Variants in PTPRM observed in about 807,000 individuals in gnomAD.
PTPRM encodes the protein receptor-type tyrosine-protein phosphatase mu.
A neutral mutation model predicts 186.7 loss-of-function variants in PTPRM; 47 were observed. The observed-to-expected ratio is 0.25, with a 90% confidence interval of 0.20 to 0.32. PTPRM has a LOEUF of 0.32. PTPRM is among the 10% of genes least tolerant of loss of function. PTPRM has a pLI of 1.00. For synonymous variants in PTPRM, 668 were observed against 674.9 expected (o/e 0.99, Z 0.16); for missense variants, 1,494 against 1,865.0 (o/e 0.80, Z 3.66).
At chr18:8,337,390 T>G (rs564536153) in intron 22 of PTPRM, among the ~76,000 whole-genome samples, 1 of 152,244 alleles carries the variant, frequency 6.6e-6, no homozygotes, top group East Asian at 1.9e-4. Context: ...TATCTCTACC[T>G]CAGAAAATTT....
chr18:7,951,594 A>C (rs188867428), intron 6 of PTPRM, among the ~76,000 whole-genome samples: 67 of 152,300 alleles, frequency 4.4e-4, no homozygotes, highest in Non-Finnish European at 9.1e-4. Flanking sequence ...ATCTTGGCTC[A>C]CTGTGATAAA....
chr18:7,577,799 T>G (rs1264161402), intron 1 of PTPRM, among the ~76,000 whole-genome samples: 1 of 152,184 alleles, frequency 6.6e-6, no homozygotes, highest in Non-Finnish European at 1.5e-5. Flanking sequence ...AGGTTCTCCC[T>G]CGTCTCTCTG....
chr18:8,028,531 C>T (rs1188075143), intron 7 of PTPRM, among the ~76,000 whole-genome samples: 1 of 152,138 alleles, frequency 6.6e-6, no homozygotes, highest in Non-Finnish European at 1.5e-5. Flanking sequence ...TGGGCATTTT[C>T]AATATGAACT....
intron 1 of PTPRM, among the ~76,000 whole-genome samples, chr18:7,696,740 T>A (rs1168041570): frequency 6.6e-6 from 1 of 152,226 alleles, no homozygotes; most frequent in Non-Finnish European, 1.5e-5. Flanking sequence ...TTCTTGCATG[T>A]TCCTCTGCCA....
chr18:8,191,568 A>G (rs994890625), intron 14 of PTPRM, among the ~76,000 whole-genome samples: 12 of 152,176 alleles, frequency 7.9e-5, no homozygotes, highest in African/African-American at 2.9e-4. Flanking sequence ...AAAAGGGGGT[A>G]TGAGTAAGTG....
chr18:8,041,251 C>T (rs911212643), intron 7 of PTPRM, among the ~76,000 whole-genome samples: 3 of 152,154 alleles, frequency 2.0e-5, no homozygotes, highest in African/African-American at 7.2e-5. Flanking sequence ...AAATTCATGG[C>T]AACCTTAAAA....
chr18:7,665,047 G>T (rs1444149626), intron 1 of PTPRM, among the ~76,000 whole-genome samples: 1 of 152,172 alleles, frequency 6.6e-6, no homozygotes, highest in Admixed American at 6.5e-5. Context: ...AGAAGTCTGG[G>T]TTGGAGGTGA....
In PTPRM at chr18:7,695,322, C is replaced by T. The variant is rs547467796; in HGVS notation, c.74-78827C>T. Among the ~76,000 whole-genome samples, 4 of 152,168 alleles carry T rather than the reference C, an allele frequency of 2.6e-5. No individual in the cohort carries two copies. The South Asian group carries it at 8.3e-4, about 32-fold the overall frequency. On this transcript the variant is annotated intron_variant, in intron 1 of 32. Transcript: ENST00000580170. The stretch of plus-strand genomic sequence containing the variant: ...ACTTTGCTCCTTTTGGTTTTGTCTA[C>T]ATGAACACAATGCAGCGTATGGTTT...
chr18:8,005,822 T>C (rs2084151344), intron 7 of PTPRM, among the ~76,000 whole-genome samples: 1 of 152,168 alleles, frequency 6.6e-6, no homozygotes, highest in South Asian at 2.1e-4. Context: ...CCTCAATCTG[T>C]CTTTTGTATT....
chr18:8,126,002 T>TATATAC (rs2092336998), intron 13 of PTPRM, among the ~76,000 whole-genome samples: 1 of 18,056 alleles, frequency 5.5e-5, no homozygotes, highest in African/African-American at 1.2e-4. Flanking sequence ...TATATATATA[T>TATATAC]ATATATATAT....
intron 1 of PTPRM, among the ~76,000 whole-genome samples, chr18:7,579,560 A>G (rs1045890429): frequency 1.3e-5 from 2 of 152,242 alleles, no homozygotes; most frequent in Admixed American, 6.5e-5. Context: ...CAATTACATT[A>G]TAGAAACTTA....
At chr18:7,587,451 A>G (rs557322424) in intron 1 of PTPRM, among the ~76,000 whole-genome samples, 1 of 152,054 alleles carries the variant, frequency 6.6e-6, no homozygotes, top group Non-Finnish European at 1.5e-5. Flanking sequence ...ATGACCTGTT[A>G]GCTGACAGTT....
chr18:8,202,721 C>A (rs1030656928), intron 14 of PTPRM, among the ~76,000 whole-genome samples: 8 of 152,074 alleles, frequency 5.3e-5, no homozygotes, highest in African/African-American at 1.9e-4. Context: ...TATTTCTTTA[C>A]AGATCAAGAC....
chr18:7,646,278 A>G (rs1326440049), intron 1 of PTPRM, among the ~76,000 whole-genome samples: 1 of 152,174 alleles, frequency 6.6e-6, no homozygotes, highest in Non-Finnish European at 1.5e-5. Context: ...GCATGGCCTT[A>G]GGCAGTCATT....
At chr18:7,944,988 A>T (rs2052420574) in intron 5 of PTPRM, among the ~76,000 whole-genome samples, 2 of 152,178 alleles carry the variant, frequency 1.3e-5, no homozygotes, top group Non-Finnish European at 1.5e-5. Context: ...GGCCTTTAAG[A>T]GGTGATTGGG....
At chr18:8,021,576 G>A (rs2085240649) in intron 7 of PTPRM, among the ~76,000 whole-genome samples, 2 of 152,012 alleles carry the variant, frequency 1.3e-5, no homozygotes, top group East Asian at 1.9e-4. Flanking sequence ...GTGTCCATGT[G>A]TTGTCATTGT....
chr18:7,868,781 G>T (rs1047668532), intron 2 of PTPRM, among the ~76,000 whole-genome samples: 2 of 152,224 alleles, frequency 1.3e-5, no homozygotes, highest in African/African-American at 4.8e-5. Context: ...GTTTAAGTCT[G>T]CTGAAGCTGC....
intron 1 of PTPRM, among the ~76,000 whole-genome samples, chr18:7,570,304 A>G (rs1181999375): frequency 6.6e-6 from 1 of 152,176 alleles, no homozygotes; most frequent in African/African-American, 2.4e-5. Flanking sequence ...AGTGGCATTG[A>G]CACATTTCTT....
At chr18:7,828,328 A>G (rs1016282515) in intron 2 of PTPRM, among the ~76,000 whole-genome samples, 1 of 151,734 alleles carries the variant, frequency 6.6e-6, no homozygotes, top group African/African-American at 2.4e-5. Flanking sequence ...ATATGTATAC[A>G]TGTGCCATGT....
Sources: allele counts gnomAD v4.1 joint callset (sites outside exome capture counted in the v4.1 genomes callset), GRCh38; gene constraint gnomAD v4.1.1; transcripts MANE v1.5; gene names NCBI Gene and HGNC (gene_info 2026-07-23, HGNC 2026-07-21).